The following POLA1 variants were observed in gnomAD, a reference collection of about 807,000 sequenced individuals.
POLA1 encodes DNA polymerase alpha catalytic subunit.
POLA1 carries 15 observed loss-of-function variants against 124.0 expected under a neutral mutation model. That is an observed-to-expected ratio of 0.12 (90% CI 0.08 to 0.19). The LOEUF (loss-of-function observed/expected upper bound fraction) is 0.19, where lower values mean the gene tolerates loss of function less well. Among genes scored for constraint, POLA1 ranks in the 10% least tolerant of loss-of-function variants. The pLI is 1.00. For synonymous variants in POLA1, 408 were observed against 389.4 expected (o/e 1.05, Z -0.56); for missense variants, 886 against 1,103.4 (o/e 0.80, Z 2.79).
chrX:24,835,088 C>T (rs1248792353), intron 32 of POLA1, among the ~76,000 whole-genome samples: 4 of 107,982 alleles, frequency 3.7e-5, no homozygotes, highest in Non-Finnish European at 7.7e-5. Flanking sequence ...CACTCTGTCA[C>T]CCAGGCTGGA....
At chrX:24,969,707 A>G (rs1309548916) in intron 36 of POLA1, among the ~76,000 whole-genome samples, 1 of 110,383 alleles carries the variant, frequency 9.1e-6, no homozygotes, top group East Asian at 2.9e-4. Flanking sequence ...TATTTGTTAC[A>G]TAGGTAAATG....
At chrX:24,958,267 A>T (rs766870669) in intron 36 of POLA1, among the ~76,000 whole-genome samples, 3 of 111,504 alleles carry the variant, frequency 2.7e-5, no homozygotes, top group African/African-American at 9.8e-5. Flanking sequence ...CCCTGCTCCC[A>T]CTTCTCCTTT....
At chrX:24,768,226 T>G in intron 26 of POLA1, among the ~76,000 whole-genome samples, 1 of 112,614 alleles carries the variant, frequency 8.9e-6, no homozygotes, top group Non-Finnish European at 1.9e-5. Context: ...CAATTTTCCT[T>G]TTATATTTCC....
chrX:24,710,663 G>GTTTTTTTT (rs1239994402), intron 4 of POLA1, among the ~76,000 whole-genome samples: 1 of 102,092 alleles, frequency 9.8e-6, no homozygotes, highest in Non-Finnish European at 2.0e-5. Flanking sequence ...TATATGTTGT[G>GTTTTTTTT]GTTTTTTTTT....
chrX:24,735,469 T>C lies in POLA1; in HGVS notation c.1904T>C (p.Ile635Thr). 1 of 1,160,032 alleles carries C rather than the reference T, an allele frequency of 8.6e-7. No homozygotes were observed. Among genetic ancestry groups the C allele is most frequent in the Non-Finnish European group, 1.2e-6 (1 of 848,287 alleles). The change falls in exon 18 of 37, where the codon ATT becomes ACT. Residue 635 changes from isoleucine to threonine, a missense_variant. Physicochemically the swap from Ile to Thr is moderately conservative, Grantham distance 89 (BLOSUM62 -1). Around this residue, in one of 7 missense-constraint regions of POLA1, gnomAD observed 182 missense variants for 252.8 expected, o/e 0.72. Coordinates refer to ENST00000379068, the MANE Select transcript of POLA1 (RefSeq NM_001330360.2). ...TTTTTCCTTGCAAAAGTTCACAAAA[T>C]TGATCCTGATATCATTGTGGTGAGT... ...LGFFLAKVHK[I>T]DPDIIVGHNI...
At chrX:24,722,557 T>C (rs1411265623) in intron 10 of POLA1, among the ~76,000 whole-genome samples, 1 of 112,666 alleles carries the variant, frequency 8.9e-6, no homozygotes, top group Non-Finnish European at 1.9e-5. Flanking sequence ...AACACAGTTT[T>C]ACATATAGAA....
chrX:24,694,819 G>T (rs1230739960), intron 1 of POLA1, among the ~76,000 whole-genome samples: 1 of 112,401 alleles, frequency 8.9e-6, no homozygotes, highest in Non-Finnish European at 1.9e-5. Context: ...CTGTCATTCA[G>T]ATACATCACC....
chrX:24,915,604 T>G (rs1393117790), intron 35 of POLA1, among the ~76,000 whole-genome samples: 1 of 111,900 alleles, frequency 8.9e-6, no homozygotes, highest in African/African-American at 3.2e-5. Context: ...CCTGGACAAA[T>G]GAAATTCACA....
At chrX:24,743,102 C>A in intron 22 of POLA1, 128 bp from the exon 23 acceptor site, 1 of 379,518 alleles carries the variant, frequency 2.6e-6, no homozygotes, top group Non-Finnish European at 4.5e-6. Flanking sequence ...TCTTTCCCAA[C>A]AGATAGGACC....
chrX:24,811,482 G>T (rs1450443417), intron 28 of POLA1, among the ~76,000 whole-genome samples: 4 of 109,806 alleles, frequency 3.6e-5, no homozygotes, highest in Non-Finnish European at 7.6e-5. Context: ...TAGAGACGGG[G>T]TTTCACCATG....
chrX:24,824,584 C>A (rs2046143281), intron 31 of POLA1, among the ~76,000 whole-genome samples: 1 of 107,520 alleles, frequency 9.3e-6, no homozygotes, highest in Admixed American at 1.0e-4. Context: ...ACTGGGATTA[C>A]AGGCATGAGC....
intron 36 of POLA1, 106 bp downstream of exon 36, chrX:24,930,655 C>A: frequency 1.8e-6 from 1 of 544,180 alleles, no homozygotes; most frequent in Non-Finnish European, 3.2e-6. Context: ...ATTGCTGTCT[C>A]AGAAGCAGGC....
intron 36 of POLA1, among the ~76,000 whole-genome samples, chrX:24,994,250 T>C (rs1324288918): frequency 8.9e-6 from 1 of 112,792 alleles, no homozygotes; most frequent in East Asian, 2.8e-4. Flanking sequence ...GCATTTTAAT[T>C]CTCTATAAAA....
rs1929959959 is a variant in POLA1 at position 24,717,938 on chromosome X, C to G, written c.1087+180C>G. Among the ~76,000 whole-genome samples, 3 of 110,322 alleles carry G rather than the reference C, an allele frequency of 2.7e-5. No individual in the cohort carries two copies. In the Admixed American group the frequency reaches 2.9e-4, roughly 11 times the overall value. On this transcript the variant is annotated intron_variant, in intron 10 of 36. Transcript: ENST00000379068. ...GTAATTAGCTCAGGTCAGGCCCTGC[C>G]CTCACTTAACATGTATTGTAAGAGA...
intron 26 of POLA1, among the ~76,000 whole-genome samples, chrX:24,797,518 A>T (rs2045629132): frequency 9.0e-6 from 1 of 110,888 alleles, no homozygotes. Context: ...GTATTTTCCA[A>T]TTGCCTATTT....
intron 34 of POLA1, among the ~76,000 whole-genome samples, chrX:24,875,046 A>C (rs192875284): frequency 1.3e-4 from 15 of 111,445 alleles, no homozygotes; most frequent in Non-Finnish European, 1.9e-5. Flanking sequence ...AGAAGGTTGG[A>C]TGTTGCAATC....
intron 35 of POLA1, among the ~76,000 whole-genome samples, chrX:24,890,086 CG>C (rs2047123536): frequency 3.6e-5 from 2 of 56,063 alleles, no homozygotes; most frequent in South Asian, 1.6e-3. Flanking sequence ...ATTTTCAGTA[CG>C]ATTTTTTTTT....
rs139124622 is a variant in POLA1, at chrX:24,946,300, C to A, written c.4261+15751C>A. ...TGCACGTCCTCCAAGCGGTCTGGAA[C>A]AGGATGGTAGTAGTAGAGGGTTTAG... is the stretch of plus-strand genomic sequence containing the variant. On this transcript the variant is annotated intron_variant, in intron 36 of 36. Transcript: ENST00000379068. Among the ~76,000 whole-genome samples, 5 of 111,740 alleles carry A rather than the reference C, an allele frequency of 4.5e-5. No homozygotes were observed. In the Admixed American group the frequency reaches 4.7e-4, roughly 11 times the overall value.
intron 32 of POLA1, among the ~76,000 whole-genome samples, chrX:24,837,334 A>G (rs1354770007): frequency 9.0e-6 from 1 of 111,641 alleles, no homozygotes; most frequent in Non-Finnish European, 1.9e-5. Flanking sequence ...TTTCGTATAA[A>G]TGGTTTCCTA....
Sources: allele counts gnomAD v4.1 joint callset (sites outside exome capture counted in the v4.1 genomes callset), GRCh38; gene constraint gnomAD v4.1.1; regional missense constraint gnomAD v4.1.1; transcripts MANE v1.5; gene names NCBI Gene and HGNC (gene_info 2026-07-23, HGNC 2026-07-21).